The following C3orf70 variants were observed in gnomAD, a reference collection of about 807,000 sequenced individuals.
C3orf70 encodes UPF0524 protein C3orf70.
Under a neutral mutation model 20.7 loss-of-function variants are expected in C3orf70, and 15 were observed. The observed-to-expected ratio is 0.72, with a 90% confidence interval of 0.48 to 1.11. The LOEUF (loss-of-function observed/expected upper bound fraction) is 1.11, where lower values mean the gene tolerates loss of function less well. C3orf70 is among the 50% of genes most tolerant of loss of function. C3orf70 has a pLI of 0.00. For synonymous variants in C3orf70, 161 were observed against 125.7 expected (o/e 1.28, Z -1.88); for missense variants, 332 against 317.6 (o/e 1.05, Z -0.34).
chr3:185,125,886 G>A (rs1254607067), intron 1 of C3orf70, among the ~76,000 whole-genome samples: 1 of 152,174 alleles, frequency 6.6e-6, no homozygotes, highest in Non-Finnish European at 1.5e-5. Flanking sequence ...TACCAGGGAT[G>A]GGGGTGAGAT....
intron 1 of C3orf70, among the ~76,000 whole-genome samples, chr3:185,144,681 A>T (rs1440586164): frequency 6.6e-6 from 1 of 150,940 alleles, no homozygotes; most frequent in Non-Finnish European, 1.5e-5. Flanking sequence ...CATGTTGGCC[A>T]GGCTGGTCTT....
At chr3:185,099,172 G>A (rs1265502186) in intron 1 of C3orf70, among the ~76,000 whole-genome samples, 1 of 152,150 alleles carries the variant, frequency 6.6e-6, no homozygotes, top group African/African-American at 2.4e-5. Context: ...TCATCCGGGA[G>A]AACTTTCCCA....
rs560110416 is a variant in C3orf70 at position 185,081,664 on chromosome 3, A to G, written c.*1343T>C. The G allele has an allele frequency of 6.5e-6, 1 of 152,698 alleles. No individual in the cohort carries two copies. Among genetic ancestry groups the G allele is most frequent in the South Asian group, 2.1e-4 (1 of 4,822 alleles). 9.5% of individuals were successfully genotyped at this position (152,698 alleles called of 1,614,324 possible). A position where few individuals can be genotyped will look rare whatever the true frequency, so the allele number is the denominator to read the frequency against. ...ACAAGAATACCTGGTATAAATGGAG[A>G]GTAGAAGTAGAATTCTGAAGAGAGC... On this transcript the variant is annotated 3_prime_UTR_variant, in exon 2 of 2. Transcript: ENST00000335012.
chr3:185,152,686 C>A lies in C3orf70; in HGVS notation c.138G>T (p.Thr46=). Reference sequence around the variant, plus strand: ...GCTTGAAGCACTTGCCATGGCTGTGCGTGGCACAGATAGACAGCCCGTCGC... The same window carrying A: ...GCTTGAAGCACTTGCCATGGCTGTGAGTGGCACAGATAGACAGCCCGTCGC... ...QPCDGLSICA[T]HSHGKCFKLH... The change falls in exon 1 of 2, where the codon ACG becomes ACT. Residue 46 remains threonine (T), a synonymous_variant. Transcript: ENST00000335012. 1.3e-6 allele frequency: 2 copies of A among 1,594,374 alleles called. No individual in the cohort carries two copies. The highest frequency in any genetic ancestry group is 1.7e-6 in the Non-Finnish European group (2 of 1,170,712).
chr3:185,102,564 A>C (rs996578390), intron 1 of C3orf70, among the ~76,000 whole-genome samples: 2 of 152,250 alleles, frequency 1.3e-5, no homozygotes, highest in Admixed American at 1.3e-4. Flanking sequence ...TCTATTTTAA[A>C]ATGCACTGGA....
intron 1 of C3orf70, among the ~76,000 whole-genome samples, chr3:185,097,745 G>A (rs1715738859): frequency 1.3e-5 from 2 of 152,164 alleles, no homozygotes; most frequent in Admixed American, 6.5e-5. Flanking sequence ...TAACGCATGT[G>A]GAACACAGAA....
rs1715290176 is a variant in C3orf70 at position 185,079,690 on chromosome 3, C to T, written c.*3317G>A. On this transcript the variant is annotated 3_prime_UTR_variant, in exon 2 of 2. Transcript: ENST00000335012. ...TACATTTAGTGGAATTAAGCTTCTA[C>T]CTAATAGCTTTTATACCAACTTTCC... 1 of 152,278 alleles carries T rather than the reference C, an allele frequency of 6.6e-6. No homozygotes were observed. Among genetic ancestry groups the T allele is most frequent in the African/African-American group, 2.4e-5 (1 of 41,428 alleles). 9.4% of individuals were successfully genotyped at this position (152,278 alleles called of 1,614,324 possible).
chr3:185,110,218 A>G (rs1716041786), intron 1 of C3orf70, among the ~76,000 whole-genome samples: 1 of 152,252 alleles, frequency 6.6e-6, no homozygotes, highest in Admixed American at 6.5e-5. Context: ...AAAAGCATCT[A>G]GAAAGACACT....
At chr3:185,139,857 T>TA (rs1716714803) in intron 1 of C3orf70, among the ~76,000 whole-genome samples, 1 of 151,896 alleles carries the variant, frequency 6.6e-6, no homozygotes, top group African/African-American at 2.4e-5. Context: ...ATACGAAACT[T>TA]AAAACTATAA....
chr3:185,133,039 ATATCTT>A (rs1716554320), intron 1 of C3orf70, among the ~76,000 whole-genome samples: 1 of 152,358 alleles, frequency 6.6e-6, no homozygotes, highest in African/African-American at 2.4e-5. Context: ...GTCAGTGAAA[ATATCTT>A]TAAAGAACAG....
intron 1 of C3orf70, among the ~76,000 whole-genome samples, chr3:185,123,611 A>G (rs952245107): frequency 6.6e-6 from 1 of 151,360 alleles, no homozygotes; most frequent in African/African-American, 2.4e-5. Context: ...AGCAGCTGGG[A>G]TTATAGGGAC....
At chr3:185,124,356 T>C (rs780544987) in intron 1 of C3orf70, among the ~76,000 whole-genome samples, 4 of 152,172 alleles carry the variant, frequency 2.6e-5, no homozygotes, top group African/African-American at 9.7e-5. Flanking sequence ...AAAATGCATA[T>C]GGAGACAAAG....
chr3:185,098,505 T>C (rs1338871727), intron 1 of C3orf70, among the ~76,000 whole-genome samples: 3 of 152,220 alleles, frequency 2.0e-5, no homozygotes, highest in South Asian at 2.1e-4. Flanking sequence ...CTAGAGCCTA[T>C]TGATTAATGC....
At chr3:185,139,957 A>C (rs562240715) in intron 1 of C3orf70, among the ~76,000 whole-genome samples, 41 of 152,352 alleles carry the variant, frequency 2.7e-4, no homozygotes, top group Non-Finnish European at 4.6e-4. Flanking sequence ...ATAAAAGGAA[A>C]AACTGATAAA....
chr3:185,082,709 A>T lies in C3orf70; in HGVS notation c.*298T>A, dbSNP rs972506246. ...TCAATCTGATCCAAGATTCTCTGCG[A>T]CCATCACTTCACCGCCTTCAAATCT... On this transcript the variant is annotated 3_prime_UTR_variant, in exon 2 of 2. Coordinates refer to ENST00000335012, the MANE Select transcript of C3orf70 (RefSeq NM_001025266.3). The T allele has an allele frequency of 1.2e-5, 4 of 333,754 alleles. No homozygotes were observed. The highest frequency in any genetic ancestry group is 2.2e-5 in the Non-Finnish European group (4 of 181,938). The allele number at this position is 333,754 out of a possible 1,614,324, so 20.7% of individuals were successfully genotyped here.
chr3:185,104,072 A>G (rs1715875741), intron 1 of C3orf70, among the ~76,000 whole-genome samples: 1 of 152,244 alleles, frequency 6.6e-6, no homozygotes, highest in Non-Finnish European at 1.5e-5. Flanking sequence ...CAGAGATGAC[A>G]GGAGTTTCTT....
At position 185,083,024 on chromosome 3, in the gene C3orf70, T is replaced by C; in HGVS notation, c.736A>G (p.Ile246Val). Residue 246 changes from isoleucine to valine, a missense_variant, in exon 2 of 2, where the codon ATA becomes GTA. By Grantham distance (29) the Ile-to-Val change is conservative. Coordinates refer to ENST00000335012, the MANE Select transcript of C3orf70 (RefSeq NM_001025266.3). The part of the protein sequence containing the change: ...SQSDLEVIET[I>V]ETTV ...CTGGACTCTCACACAGTCGTTTCTA[T>C]CGTTTCAATCACTTCCAGGTCAGAC... 1 of 1,613,786 alleles carries C rather than the reference T, an allele frequency of 6.2e-7. No individual in the cohort carries two copies. Among genetic ancestry groups the C allele is most frequent in the Non-Finnish European group, 8.5e-7 (1 of 1,179,850 alleles).
chr3:185,109,135 A>G (rs1716008349), intron 1 of C3orf70, among the ~76,000 whole-genome samples: 1 of 152,208 alleles, frequency 6.6e-6, no homozygotes, highest in Non-Finnish European at 1.5e-5. Context: ...GACAGAGAAT[A>G]TGGAACCCCA....
At chr3:185,095,341 G>A (rs749354408) in intron 1 of C3orf70, among the ~76,000 whole-genome samples, 27 of 152,314 alleles carry the variant, frequency 1.8e-4, no homozygotes, top group African/African-American at 6.3e-4. Flanking sequence ...CCTGGAACAC[G>A]ATGATTCTCG....
Sources: allele counts gnomAD v4.1 joint callset (sites outside exome capture counted in the v4.1 genomes callset), GRCh38; gene constraint gnomAD v4.1.1; transcripts MANE v1.5; gene names NCBI Gene and HGNC (gene_info 2026-07-23, HGNC 2026-07-21).